TEX11: variants seen among roughly 807,000 people sequenced by gnomAD.
TEX11 encodes testis-expressed protein 11.
Under a neutral mutation model 84.4 loss-of-function variants are expected in TEX11, and 7 were observed. That is an observed-to-expected ratio of 0.08 (90% CI 0.05 to 0.16). The LOEUF is 0.16. Ranked by LOEUF, TEX11 falls within the 10% of genes least tolerant of loss-of-function variation. The pLI is 1.00. For missense variants in TEX11, 551 were observed against 660.5 expected, an observed-to-expected ratio of 0.83 and a Z score of 1.82; for synonymous variants, 264 against 222.8, an observed-to-expected ratio of 1.18 and a Z score of -1.64.
At chrX:70,821,953 G>T (rs2091320318) in intron 8 of TEX11, among the ~76,000 whole-genome samples, 1 of 110,975 alleles carries the variant, frequency 9.0e-6, no homozygotes, top group Non-Finnish European at 1.9e-5. Flanking sequence ...TTTGTTCCAG[G>T]ACCCTCTGTG....
chrX:70,628,227 C>CAA (rs1286767309), intron 18 of TEX11, among the ~76,000 whole-genome samples: 727 of 67,560 alleles, frequency 0.011, 3 homozygotes, highest in African/African-American at 0.037. Context: ...GAGACTTTGT[C>CAA]AAAAAAAAAA....
chrX:70,750,791 G>C (rs1274784681), intron 9 of TEX11, among the ~76,000 whole-genome samples: 1 of 100,854 alleles, frequency 9.9e-6, no homozygotes, highest in African/African-American at 3.6e-5. Flanking sequence ...GTAGGGGGGA[G>C]GGATAGCATT....
rs755843546 is a variant in TEX11 at position 70,824,377 on chromosome X, C to A, written c.606+9136G>T. Reference sequence around the variant, plus strand: ...AAATATTCAATTTTGGTTTTTATTTCATCTTTCTTCCATTCTCTTGTGCTC... The same window carrying A: ...AAATATTCAATTTTGGTTTTTATTTAATCTTTCTTCCATTCTCTTGTGCTC... On this transcript the variant is annotated intron_variant, in intron 8 of 29. Transcript: ENST00000374333. Among the ~76,000 whole-genome samples, 4 of 112,169 alleles carry A rather than the reference C, an allele frequency of 3.6e-5. No individual in the cohort carries two copies. The East Asian group carries it at 1.1e-3, about 31-fold the overall frequency.
chrX:70,794,375 T>C (rs1324414440), intron 9 of TEX11, among the ~76,000 whole-genome samples: 2 of 111,480 alleles, frequency 1.8e-5, no homozygotes, highest in Non-Finnish European at 3.8e-5. Flanking sequence ...CTCATTGCTG[T>C]CGGCTAAAGT....
chrX:70,873,260 T>A lies in TEX11; in HGVS notation c.207A>T (p.Gly69=). The part of the protein sequence containing the change: ...VNLWNWALTI[G]GGWLVNEEQK... Reference sequence around the variant, plus strand: ...GCTCTTCATTTACAAGCCAACCTCCTCCTATGGTAAGTGCCCAGTTCCATA... The same window carrying A: ...GCTCTTCATTTACAAGCCAACCTCCACCTATGGTAAGTGCCCAGTTCCATA... The change falls in exon 4 of 30, where the codon GGA becomes GGT. Residue 69 remains glycine (G), a synonymous_variant. Transcript: ENST00000374333. 1 of 1,202,174 alleles carries A rather than the reference T, an allele frequency of 8.3e-7. No homozygotes were observed. The highest frequency in any genetic ancestry group is 1.1e-6 in the Non-Finnish European group (1 of 886,727).
chrX:70,874,021 G>A (rs1489388364), intron 3 of TEX11, among the ~76,000 whole-genome samples: 1 of 111,291 alleles, frequency 9.0e-6, no homozygotes, highest in Non-Finnish European at 1.9e-5. Context: ...TCACAGTAAT[G>A]AGTGAGTTCT....
At chrX:70,642,544 A>T (rs1350794754) in intron 17 of TEX11, among the ~76,000 whole-genome samples, 1 of 103,727 alleles carries the variant, frequency 9.6e-6, no homozygotes, top group East Asian at 3.0e-4. Flanking sequence ...AACCGAATCC[A>T]GCAGCACATC....
chrX:70,888,309 C>T (rs1311356497), intron 2 of TEX11, among the ~76,000 whole-genome samples: 1 of 112,494 alleles, frequency 8.9e-6, no homozygotes, highest in Non-Finnish European at 1.9e-5. Context: ...GTTGAGGAAA[C>T]TCAAAGAAAT....
chrX:70,570,314 C>T (rs1038640727), intron 25 of TEX11, among the ~76,000 whole-genome samples: 15 of 112,159 alleles, frequency 1.3e-4, no homozygotes, highest in African/African-American at 4.9e-4. Context: ...TCTGTCACCC[C>T]TTTCTTTGAC....
At chrX:70,580,136 G>A (rs1048255201) in intron 25 of TEX11, among the ~76,000 whole-genome samples, 2 of 112,231 alleles carry the variant, frequency 1.8e-5, no homozygotes, top group African/African-American at 6.5e-5. Flanking sequence ...AAAAGAATGA[G>A]ATCTAGTCAT....
At chrX:70,835,126 C>T (rs769549987) in intron 7 of TEX11, among the ~76,000 whole-genome samples, 45 of 111,471 alleles carry the variant, frequency 4.0e-4, no homozygotes, top group Non-Finnish European at 8.5e-4. Flanking sequence ...TTCCTGTCTA[C>T]ACTATATTCT....
At chrX:70,783,019 A>ACCC (rs2091052159) in intron 9 of TEX11, among the ~76,000 whole-genome samples, 3 of 111,703 alleles carry the variant, frequency 2.7e-5, no homozygotes, top group Non-Finnish European at 5.6e-5. Flanking sequence ...CCAAATCAAC[A>ACCC]GAATATACAT....
At chrX:70,725,949 C>T (rs1368439230) in intron 11 of TEX11, among the ~76,000 whole-genome samples, 1 of 111,824 alleles carries the variant, frequency 8.9e-6, no homozygotes, top group Non-Finnish European at 1.9e-5. Context: ...TACATGAACA[C>T]CGTACTGATT....
At chrX:70,622,565 C>T (rs1428159527) in intron 20 of TEX11, among the ~76,000 whole-genome samples, 1 of 111,280 alleles carries the variant, frequency 9.0e-6, no homozygotes, top group Non-Finnish European at 1.9e-5. Context: ...CAGATACTGC[C>T]CTAGGTTTCA....
intron 11 of TEX11, among the ~76,000 whole-genome samples, chrX:70,739,413 CTTTTTT>C (rs35219972): frequency 1.3e-5 from 1 of 75,151 alleles, no homozygotes; most frequent in Non-Finnish European, 2.6e-5. Flanking sequence ...TATTTCATTT[CTTTTTT>C]TTTTTTTTTT....
intron 9 of TEX11, among the ~76,000 whole-genome samples, chrX:70,749,152 G>T (rs2090792375): frequency 9.3e-6 from 1 of 107,622 alleles, no homozygotes; most frequent in African/African-American, 3.4e-5. Flanking sequence ...TTGTAAGTTG[G>T]ATTCCTAGGT....
In TEX11 at chrX:70,745,325, A is replaced by G. The variant is rs142596733; in HGVS notation, c.693-1106T>C. On this transcript the variant is annotated intron_variant, in intron 9 of 29. Transcript: ENST00000374333. Reference sequence around the variant, plus strand: ...TTCAAGGTTTCAAAACCTAATACCTACAAAGCAAATCAAAGATTATTCACC... The same window carrying G: ...TTCAAGGTTTCAAAACCTAATACCTGCAAAGCAAATCAAAGATTATTCACC... 2.2e-4 allele frequency among the ~76,000 whole-genome samples: 24 copies of G among 110,882 alleles called. No homozygotes were observed. In the East Asian group the frequency reaches 6.5e-3, roughly 30 times the overall value.
At chrX:70,780,672 G>A (rs758933478) in intron 9 of TEX11, among the ~76,000 whole-genome samples, 1 of 112,764 alleles carries the variant, frequency 8.9e-6, no homozygotes, top group Non-Finnish European at 1.9e-5. Context: ...GCCTGGCTTG[G>A]AGGGTCCCCG....
intron 9 of TEX11, among the ~76,000 whole-genome samples, chrX:70,746,733 T>C (rs758343328): frequency 1.8e-5 from 2 of 112,195 alleles, no homozygotes; most frequent in Non-Finnish European, 3.8e-5. Context: ...AGGGAGCTGG[T>C]AGCTCCATGA....
Sources: gnomAD v4.1 joint callset for allele counts (sites outside exome capture counted in the v4.1 genomes callset) on GRCh38, gnomAD v4.1.1 for gene constraint, MANE v1.5 for transcripts, NCBI Gene and HGNC (gene_info 2026-07-23, HGNC 2026-07-21) for gene names.